Variants in LRRC66 observed in about 807,000 individuals in gnomAD.
The protein encoded by LRRC66 is leucine-rich repeat-containing protein 66.
In LRRC66, 29 loss-of-function variants were observed where a neutral mutation model predicts 24.6. That is an observed-to-expected ratio of 1.18 (90% confidence interval 0.88 to 1.61). The LOEUF is 1.61. Among genes scored for constraint, LRRC66 ranks in the 40% most tolerant of loss-of-function variants. The pLI is 0.00. For synonymous variants in LRRC66, 411 were observed against 397.6 expected (o/e 1.03, Z -0.40); for missense variants, 1,124 against 1,058.0 (o/e 1.06, Z -0.87).
At chr4:51,997,265 G>GTAT (rs1736341876) in intron 4 of LRRC66, among the ~76,000 whole-genome samples, 1 of 152,150 alleles carries the variant, frequency 6.6e-6, no homozygotes, top group Non-Finnish European at 1.5e-5. Flanking sequence ...TGTGTTTTGC[G>GTAT]TATGTAGAGG....
Position 51,995,477 on chromosome 4 carries a change from G to A in LRRC66, c.1545C>T (p.Ala515=), listed in dbSNP as rs763339067. 3.1e-6 allele frequency: 5 copies of A among 1,613,968 alleles called. No homozygotes were observed. The highest frequency in any genetic ancestry group is 2.2e-5 in the East Asian group (1 of 44,870). The change falls in exon 5 of 5, where the codon GCC becomes GCT. Residue 515 remains alanine (A), a synonymous_variant. Transcript: ENST00000682860. ...CTGCTGACATTAGTTCACGGTTACC[G>A]GCATGTGGATGTCTCTGGAGAATGG... ...VYSILQRHPH[A]GNRELMSAAQ...
intron 3 of LRRC66, among the ~76,000 whole-genome samples, chr4:52,001,867 TCA>T (rs1736454684): frequency 6.6e-6 from 1 of 152,322 alleles, no homozygotes; most frequent in South Asian, 2.1e-4. Flanking sequence ...TGGGAAAACC[TCA>T]GTTTTCTTTG....
intron 1 of LRRC66, 113 bp from the exon 2 acceptor site, chr4:52,017,731 T>C (rs1346791066): frequency 1.5e-5 from 21 of 1,377,874 alleles, no homozygotes; most frequent in Middle Eastern, 5.4e-4. Flanking sequence ...TTGTCTTGGT[T>C]GCCAATTTAA....
chr4:52,016,758 A>C (rs764917571), intron 2 of LRRC66, among the ~76,000 whole-genome samples: 1 of 152,202 alleles, frequency 6.6e-6, no homozygotes, highest in Non-Finnish European at 1.5e-5. Context: ...ATTGTATTAC[A>C]TATTAAATGT....
At chr4:52,015,594 GA>G (rs965788664) in intron 2 of LRRC66, among the ~76,000 whole-genome samples, 4 of 152,306 alleles carry the variant, frequency 2.6e-5, no homozygotes, top group African/African-American at 7.2e-5. Flanking sequence ...CTCAGAATCG[GA>G]AATTATGTTA....
At chr4:52,002,269 T>C (rs1219516629) in intron 3 of LRRC66, among the ~76,000 whole-genome samples, 1 of 152,254 alleles carries the variant, frequency 6.6e-6, no homozygotes, top group African/African-American at 2.4e-5. Flanking sequence ...CTGTAGCTAC[T>C]GGAACATCTA....
chr4:52,003,375 A>G lies in LRRC66; in HGVS notation c.514T>C (p.Ser172Pro). Residue 172 changes from serine (S) to proline (P), a missense_variant, in exon 3 of 5, where the codon TCA becomes CCA. Ser to Pro is a moderately conservative substitution (Grantham distance 74). Transcript: ENST00000682860. ...AATGACAGATCCAAACTCTGCAATG[A>G]CTTCAGTTTCCACAGTCCTGTTAAA... ...DTPKGLWKLK[S>P]LQSLDLSFNG... 6.2e-7 allele frequency: 1 copy of G among 1,613,068 alleles called. No individual in the cohort carries two copies. The highest frequency in any genetic ancestry group is 1.7e-5 in the Admixed American group (1 of 59,844).
chr4:51,996,232 T>A (rs915880729), intron 4 of LRRC66, 67 bp from the exon 5 acceptor site: 12 of 1,424,248 alleles, frequency 8.4e-6, no homozygotes, highest in African/African-American at 4.3e-5. Context: ...GGTTTTTCTC[T>A]TTTTTACAGA....
Position 51,997,924 on chromosome 4 carries a change from C to A in LRRC66, c.680G>T (p.Ser227Ile). ...DLKKLQVIDL[S>I]NNALITILPM... ...TAGGATGGTAATCAGAGCATTGTTG[C>A]TAAGGTCTATGACCTGTTTGAGAAG... Residue 227 changes from serine (S) to isoleucine (I), a missense_variant, in exon 4 of 5, where the codon AGC becomes ATC. By Grantham distance (142) the Ser-to-Ile change is moderately radical. Coordinates refer to ENST00000682860, the MANE Select transcript of LRRC66 (RefSeq NM_001024611.3). 6.2e-7 allele frequency: 1 copy of A among 1,613,938 alleles called. No individual in the cohort carries two copies. Among genetic ancestry groups the A allele is most frequent in the Non-Finnish European group, 8.5e-7 (1 of 1,179,890 alleles).
intron 3 of LRRC66, among the ~76,000 whole-genome samples, chr4:52,000,021 G>A (rs530167032): frequency 2.6e-5 from 4 of 152,256 alleles, no homozygotes; most frequent in South Asian, 2.1e-4. Flanking sequence ...AATAGTGCAA[G>A]TATCAAATTC....
chr4:52,012,416 T>A (rs1313481740), intron 2 of LRRC66, among the ~76,000 whole-genome samples: 1 of 152,190 alleles, frequency 6.6e-6, no homozygotes, highest in Non-Finnish European at 1.5e-5. Flanking sequence ...ACTTTTCCTT[T>A]ACTTTCAATT....
chr4:51,996,353 C>T (rs956984781), intron 4 of LRRC66, among the ~76,000 whole-genome samples, 188 bp from the exon 5 acceptor site: 1 of 152,188 alleles, frequency 6.6e-6, no homozygotes. Flanking sequence ...CTCAAGTGAT[C>T]CTCCCACCTC....
In LRRC66 at chr4:52,017,305, G is replaced by A. The variant is rs1326386742; in HGVS notation, c.309C>T (p.Ser103=). 12 of 1,614,128 alleles carry A rather than the reference G, an allele frequency of 7.4e-6. No homozygotes were observed. Among genetic ancestry groups the A allele is most frequent in the Non-Finnish European group, 9.3e-6 (11 of 1,179,998 alleles). The stretch of plus-strand genomic sequence containing the variant: ...CCAAAGCATGTAAATATGCAAAAGG[G>A]CTTAAGGTTATTTTTGATATGAGAT... ...SNNLISKITL[S]PFAYLHALEV... Residue 103 remains serine, a synonymous_variant, in exon 2 of 5, where the codon AGC becomes AGT. Coordinates refer to ENST00000682860, the MANE Select transcript of LRRC66 (RefSeq NM_001024611.3).
chr4:52,007,108 T>C (rs1426885210), intron 2 of LRRC66, among the ~76,000 whole-genome samples: 1 of 152,180 alleles, frequency 6.6e-6, no homozygotes, highest in African/African-American at 2.4e-5. Flanking sequence ...TTAATCTGCT[T>C]GTGTCACGGA....
At position 51,995,223 on chromosome 4, in the gene LRRC66, G is replaced by C; in HGVS notation, c.1799C>G (p.Thr600Ser). Residue 600 changes from threonine (T) to serine (S), a missense_variant, in exon 5 of 5, where the codon ACT (threonine) becomes AGT (serine). Coordinates refer to ENST00000682860, the MANE Select transcript of LRRC66 (RefSeq NM_001024611.3). ...KMLTHAEAQR[T>S]GDSKERGGTE... ...GCCCCCTCTTTCCTTACTATCTCCAGTCCTCTGTGCTTCTGCATGTGTTAG... is the reference window on the plus strand; with the variant it reads ...GCCCCCTCTTTCCTTACTATCTCCACTCCTCTGTGCTTCTGCATGTGTTAG... The C allele has an allele frequency of 1.2e-6, 2 of 1,614,158 alleles. No individual in the cohort carries two copies. The highest frequency in any genetic ancestry group is 1.7e-6 in the Non-Finnish European group (2 of 1,180,034).
chr4:51,997,834 T>A lies in LRRC66; in HGVS notation c.770A>T (p.Gln257Leu), dbSNP rs746430505. Residue 257 changes from glutamine (Q) to leucine (L), a missense_variant, in exon 4 of 5, where the codon CAG becomes CTG. Coordinates refer to ENST00000682860, the MANE Select transcript of LRRC66 (RefSeq NM_001024611.3). ...AAAGACTGCCACACTATCATCACAC[T>A]GCCAGTTATTATCAGCCAAGTCAAC... The part of the protein sequence containing the change: ...LVVDLADNNW[Q>L]CDDSVAVFQN... 9.9e-6 allele frequency: 16 copies of A among 1,613,970 alleles called. No homozygotes were observed. The highest frequency in any genetic ancestry group is 1.4e-5 in the Non-Finnish European group (16 of 1,179,978).
intron 2 of LRRC66, among the ~76,000 whole-genome samples, chr4:52,009,516 G>C (rs1383939783): frequency 6.6e-6 from 1 of 152,058 alleles, no homozygotes; most frequent in Non-Finnish European, 1.5e-5. Flanking sequence ...GATCAGAAAA[G>C]AGAAGATATA....
At chr4:52,005,320 T>G (rs1736549955) in intron 2 of LRRC66, among the ~76,000 whole-genome samples, 2 of 152,142 alleles carry the variant, frequency 1.3e-5, no homozygotes, top group African/African-American at 2.4e-5. Flanking sequence ...ATCATTTCTT[T>G]GTACTCATGT....
intron 2 of LRRC66, among the ~76,000 whole-genome samples, chr4:52,005,713 T>C (rs1578115287): frequency 6.6e-6 from 1 of 151,692 alleles, no homozygotes; most frequent in Non-Finnish European, 1.5e-5. Context: ...AATATTTCCA[T>C]ATTGGTTTGG....
Sources: gnomAD v4.1 joint callset for allele counts (sites outside exome capture counted in the v4.1 genomes callset) on GRCh38, gnomAD v4.1.1 for gene constraint, MANE v1.5 for transcripts, NCBI Gene and HGNC (gene_info 2026-07-23, HGNC 2026-07-21) for gene names.